The following DLG2 variants were observed in gnomAD, a reference collection of about 807,000 sequenced individuals.
DLG2 encodes the protein disks large homolog 2.
In DLG2, 45 loss-of-function variants were observed where a neutral mutation model predicts 132.5. The observed-to-expected ratio is 0.34, with a 90% CI of 0.27 to 0.44. The LOEUF (loss-of-function observed/expected upper bound fraction) is 0.44. DLG2 is among the 20% of genes least tolerant of loss of function. The pLI, the probability that DLG2 is intolerant of heterozygous loss-of-function variation, is 1.00. For missense variants in DLG2, 1,045 were observed against 1,196.9 expected (o/e 0.87, Z 1.87); for synonymous variants, 424 against 419.6 (o/e 1.01, Z -0.13).
intron 7 of DLG2, among the ~76,000 whole-genome samples, chr11:84,419,168 CAG>C (rs10597167): frequency 0.16 from 23,909 of 150,510 alleles, 3,585 homozygotes; most frequent in African/African-American, 0.4. Flanking sequence ...GGGAGACAGG[CAG>C]AGAGAGAGAG....
intron 3 of DLG2, among the ~76,000 whole-genome samples, chr11:85,308,183 A>AATAATATAAT (rs1420999188): frequency 6.7e-6 from 1 of 149,488 alleles, no homozygotes; most frequent in Non-Finnish European, 1.5e-5. Context: ...AATAAAATAA[A>AATAATATAAT]ATAAAATAAA....
At chr11:83,517,633 T>A (rs147547263) in intron 21 of DLG2, among the ~76,000 whole-genome samples, 1,815 of 152,318 alleles carry the variant, frequency 0.012, 28 homozygotes, top group African/African-American at 0.04. Context: ...TGCTCTGTTT[T>A]TTCCCCATCT....
chr11:85,608,993 C>T (rs990212221), intron 2 of DLG2, among the ~76,000 whole-genome samples: 4 of 152,196 alleles, frequency 2.6e-5, no homozygotes, highest in Admixed American at 1.3e-4. Context: ...AAATTCCCTA[C>T]TGACCAGCAA....
intron 7 of DLG2, among the ~76,000 whole-genome samples, chr11:84,286,298 G>A (rs562217219): frequency 6.6e-6 from 1 of 152,186 alleles, no homozygotes; most frequent in African/African-American, 2.4e-5. Context: ...AAAACTCACA[G>A]CATATTAAAT....
At chr11:84,885,865 A>G (rs1473652341) in intron 6 of DLG2, among the ~76,000 whole-genome samples, 1 of 152,048 alleles carries the variant, frequency 6.6e-6, no homozygotes. Context: ...AAACTGCAAG[A>G]TAACTCAATA....
chr11:84,573,448 C>T (rs904523037), intron 6 of DLG2, among the ~76,000 whole-genome samples: 1 of 152,012 alleles, frequency 6.6e-6, no homozygotes, highest in Non-Finnish European at 1.5e-5. Flanking sequence ...TCACTGTATA[C>T]ATCAATATTG....
At chr11:85,012,517 T>C (rs969229827) in intron 6 of DLG2, among the ~76,000 whole-genome samples, 1 of 151,202 alleles carries the variant, frequency 6.6e-6, no homozygotes. Flanking sequence ...AGAGCAAAAC[T>C]CTGTCTCAAG....
chr11:83,491,626 A>G (rs1244329111), intron 21 of DLG2, among the ~76,000 whole-genome samples: 1 of 152,050 alleles, frequency 6.6e-6, no homozygotes, highest in Non-Finnish European at 1.5e-5. Context: ...AGTATAGCTA[A>G]GGAGTAGCTG....
intron 7 of DLG2, among the ~76,000 whole-genome samples, chr11:84,484,938 T>C (rs548819775): frequency 6.6e-6 from 1 of 152,292 alleles, no homozygotes; most frequent in South Asian, 2.1e-4. Flanking sequence ...CACTTTATTG[T>C]ACATCTACTA....
Position 84,452,199 on chromosome 11 carries a change from G to A in DLG2, c.519+82371C>T, listed in dbSNP as rs141682478. 3.8e-3 allele frequency among the ~76,000 whole-genome samples: 577 copies of A among 151,668 alleles called. 1 individual carries two copies. The highest frequency in any genetic ancestry group is 0.012 in the African/African-American group (517 of 41,462). The stretch of plus-strand genomic sequence containing the variant: ...AGAGGAAGAGGAGGAGGAGGACGAC[G>A]ATGAAGACTAGGGCTACCATTTGAC... On this transcript the variant is annotated intron_variant, in intron 7 of 27. Coordinates refer to ENST00000376104, the MANE Select transcript of DLG2 (RefSeq NM_001142699.3).
intron 4 of DLG2, among the ~76,000 whole-genome samples, chr11:85,282,373 CAAAG>C (rs2078284931): frequency 6.6e-6 from 1 of 151,694 alleles, no homozygotes; most frequent in Non-Finnish European, 1.5e-5. Context: ...GTTCCTAACA[CAAAG>C]AAATGATAAA....
At position 83,483,401 on chromosome 11, in the gene DLG2, G is replaced by A. The variant is rs572942253; in HGVS notation, c.2293+728C>T. ...GAAATGAATACTACCATGACAGACC[G>A]TGCTGCCTTAACAATCTGGATCCCA... On this transcript the variant is annotated intron_variant, in intron 22 of 27. Coordinates refer to ENST00000376104, the MANE Select transcript of DLG2 (RefSeq NM_001142699.3). 18 of 849,282 alleles carry A rather than the reference G, an allele frequency of 2.1e-5. No homozygotes were observed. In the East Asian group the frequency reaches 3.3e-4, roughly 15 times the overall value. 52.6% of individuals were successfully genotyped at this position (849,282 alleles called of 1,614,324 possible).
At chr11:83,597,362 T>A (rs1032590814) in intron 19 of DLG2, among the ~76,000 whole-genome samples, 4 of 152,056 alleles carry the variant, frequency 2.6e-5, no homozygotes, top group African/African-American at 9.7e-5. Flanking sequence ...AAGAATGAGA[T>A]AAAATTTTCT....
intron 10 of DLG2, among the ~76,000 whole-genome samples, chr11:84,091,909 C>T (rs1187223894): frequency 6.6e-6 from 1 of 152,168 alleles, no homozygotes; most frequent in Admixed American, 6.5e-5. Context: ...AGCCTGGGGA[C>T]TTACTTAGTA....
chr11:84,680,464 C>T (rs1291307719), intron 6 of DLG2, among the ~76,000 whole-genome samples: 4 of 152,156 alleles, frequency 2.6e-5, no homozygotes, highest in Non-Finnish European at 5.9e-5. Context: ...CCTATCCTTA[C>T]ATGCTGGTCC....
At chr11:85,527,934 T>A (rs2074903339) in intron 3 of DLG2, among the ~76,000 whole-genome samples, 2 of 152,244 alleles carry the variant, frequency 1.3e-5, no homozygotes. Flanking sequence ...GATTTGCATT[T>A]CTCTAATGAC....
intron 14 of DLG2, among the ~76,000 whole-genome samples, chr11:83,943,936 T>C (rs1296032187): frequency 1.3e-5 from 2 of 152,144 alleles, no homozygotes; most frequent in East Asian, 1.9e-4. Context: ...AGATCTACCT[T>C]ATAGGACTGC....
At chr11:83,624,926 T>C (rs2062236262) in intron 19 of DLG2, among the ~76,000 whole-genome samples, 2 of 152,170 alleles carry the variant, frequency 1.3e-5, no homozygotes, top group South Asian at 4.1e-4. Context: ...CTGTTTCAGG[T>C]ACCTGATCAT....
chr11:84,456,601 C>T (rs559717588), intron 7 of DLG2, among the ~76,000 whole-genome samples: 2 of 151,380 alleles, frequency 1.3e-5, no homozygotes, highest in Admixed American at 1.3e-4. Context: ...CTAACCTATT[C>T]CTGAAATTCT....
Sources: gnomAD v4.1 joint callset for allele counts (sites outside exome capture counted in the v4.1 genomes callset) on GRCh38, gnomAD v4.1.1 for gene constraint, MANE v1.5 for transcripts, NCBI Gene and HGNC (gene_info 2026-07-23, HGNC 2026-07-21) for gene names.